Variants in SULT2A1 observed in about 807,000 individuals in gnomAD.
SULT2A1 encodes sulfotransferase 2A1.
Under a neutral mutation model 33.9 loss-of-function variants are expected in SULT2A1, and 43 were observed. The observed-to-expected ratio is 1.27, with a 90% CI of 1.00 to 1.64. The LOEUF is 1.64. SULT2A1 is among the 40% of genes most tolerant of loss of function. The pLI, the probability that SULT2A1 is intolerant of heterozygous loss-of-function variation, is 0.00. For synonymous variants in SULT2A1, 125 were observed against 113.6 expected (o/e 1.10, Z -0.64); for missense variants, 300 against 335.1 (o/e 0.90, Z 0.82).
rs570625604 is a variant in SULT2A1, at chr19:47,871,520, CTT to C, written c.791_792del (p.Glu264GlyfsTer3). ...WKNHFTVAQA[E>X]DFDKLFQEKM... ...TTCTCTTGGAACAATTTATCAAAGTCTTCAGCTTGGGCCACTGTGAAGTGATT... is the reference window on the plus strand; with the variant it reads ...TTCTCTTGGAACAATTTATCAAAGTCCAGCTTGGGCCACTGTGAAGTGATT... On this transcript the variant is annotated frameshift_variant, in exon 6 of 6. Coordinates refer to ENST00000222002, the MANE Select transcript of SULT2A1 (RefSeq NM_003167.4). LOFTEE classifies it low-confidence loss of function (END_TRUNC). 4.0e-5 allele frequency: 65 copies of C among 1,614,056 alleles called. 1 individual carries two copies. In the South Asian group the frequency reaches 6.4e-4, roughly 16 times the overall value.
Position 47,870,723 on chromosome 19 carries a change from T to C in SULT2A1, c.*732A>G, listed in dbSNP as rs1968481225. 1 of 147,964 alleles carries C rather than the reference T, an allele frequency of 6.8e-6. No individual in the cohort carries two copies. The highest frequency in any genetic ancestry group is 6.8e-5 in the Admixed American group (1 of 14,796). The allele number at this position is 147,964 out of a possible 1,614,324, so 9.2% of individuals were successfully genotyped here. A position where few individuals can be genotyped will look rare whatever the true frequency, so the allele number is the denominator to read the frequency against. On this transcript the variant is annotated 3_prime_UTR_variant, in exon 6 of 6. Transcript: ENST00000222002. Reference sequence around the variant, plus strand: ...GACATCCTTTTAGGTAGTACGTACATTATTCTTGTAGCATTCTGTAAACGG... The same window carrying C: ...GACATCCTTTTAGGTAGTACGTACACTATTCTTGTAGCATTCTGTAAACGG...
At chr19:47,872,713 G>A (rs970388694) in intron 5 of SULT2A1, among the ~76,000 whole-genome samples, 3 of 151,498 alleles carry the variant, frequency 2.0e-5, no homozygotes, top group Admixed American at 6.6e-5. Context: ...GTATGTGTAT[G>A]GTATGTATCC....
chr19:47,880,862 A>G (rs918477562), intron 3 of SULT2A1, among the ~76,000 whole-genome samples: 17 of 151,836 alleles, frequency 1.1e-4, no homozygotes, highest in African/African-American at 3.9e-4. Context: ...TGCTGAGACC[A>G]GAATGAAGAT....
chr19:47,885,413 T>A (rs1167621571), intron 1 of SULT2A1, among the ~76,000 whole-genome samples: 1 of 152,222 alleles, frequency 6.6e-6, no homozygotes, highest in Non-Finnish European at 1.5e-5. Flanking sequence ...GTATCATGCA[T>A]CAGAATTTTC....
chr19:47,874,038 G>C (rs62529867), intron 5 of SULT2A1, among the ~76,000 whole-genome samples: 8,870 of 152,058 alleles, frequency 0.058, 340 homozygotes, highest in East Asian at 0.13. Flanking sequence ...GTCTAGCAAG[G>C]GTTGCTAGTT....
At chr19:47,883,277 T>C (rs549041117) in intron 2 of SULT2A1, among the ~76,000 whole-genome samples, 22 of 152,078 alleles carry the variant, frequency 1.4e-4, no homozygotes, top group Admixed American at 8.5e-4. Flanking sequence ...ATCTAGTATA[T>C]AATATGGCTA....
At chr19:47,878,529 G>C (rs1361371759) in intron 4 of SULT2A1, among the ~76,000 whole-genome samples, 1 of 113,590 alleles carries the variant, frequency 8.8e-6, no homozygotes, top group Non-Finnish European at 1.8e-5. Context: ...TTTTTTTTGA[G>C]ACAGAGTCGT....
chr19:47,877,593 A>G (rs573319466), intron 4 of SULT2A1, among the ~76,000 whole-genome samples: 6 of 143,382 alleles, frequency 4.2e-5, no homozygotes, highest in Admixed American at 1.4e-4. Flanking sequence ...TCTGTTGCCC[A>G]GCCTAGAGTG....
At chr19:47,875,514 T>C (rs1968535874) in intron 4 of SULT2A1, among the ~76,000 whole-genome samples, 1 of 151,778 alleles carries the variant, frequency 6.6e-6, no homozygotes, top group East Asian at 1.9e-4. Flanking sequence ...GGCGCACAGC[T>C]GTGGTACCAG....
intron 1 of SULT2A1, among the ~76,000 whole-genome samples, chr19:47,884,937 G>A (rs751488145): frequency 3.5e-5 from 5 of 144,752 alleles, no homozygotes; most frequent in Non-Finnish European, 7.5e-5. Flanking sequence ...TCAGCCTCCC[G>A]AGTAGCTGGA....
At chr19:47,873,988 C>T (rs920123119) in intron 5 of SULT2A1, among the ~76,000 whole-genome samples, 2 of 152,046 alleles carry the variant, frequency 1.3e-5, no homozygotes, top group African/African-American at 2.4e-5. Flanking sequence ...TCCCCAACCC[C>T]GTCCTTGTCC....
rs1286329624 is a variant in SULT2A1 at position 47,882,082 on chromosome 19, A to C, written c.472+2T>G. ...CACCCCCATATTTTGTGAAACACTCACCAGTTCCTTGACAAAACCATTCAA... is the reference window on the plus strand; with the variant it reads ...CACCCCCATATTTTGTGAAACACTCCCCAGTTCCTTGACAAAACCATTCAA... On this transcript the variant is annotated splice_donor_variant, in intron 3 of 5. Transcript: ENST00000222002. LOFTEE classifies it high-confidence loss of function. 6.2e-7 allele frequency: 1 copy of C among 1,613,562 alleles called. No individual in the cohort carries two copies. The highest frequency in any genetic ancestry group is 1.7e-5 in the Admixed American group (1 of 59,868).
intron 4 of SULT2A1, among the ~76,000 whole-genome samples, chr19:47,876,589 G>A (rs1394768650): frequency 6.6e-6 from 1 of 151,946 alleles, no homozygotes; most frequent in East Asian, 1.9e-4. Context: ...GGTCAACGTG[G>A]TGAAACCCCA....
intron 5 of SULT2A1, among the ~76,000 whole-genome samples, chr19:47,873,194 G>T (rs1968509132): frequency 1.3e-5 from 2 of 151,854 alleles, no homozygotes; most frequent in Non-Finnish European, 1.5e-5. Flanking sequence ...TTGAGCCGGA[G>T]TTTCACTCTT....
intron 5 of SULT2A1, 122 bp from the exon 6 acceptor site, chr19:47,871,689 T>G (rs1968493959): frequency 1.5e-6 from 1 of 679,564 alleles, no homozygotes; most frequent in African/African-American, 1.8e-5. Flanking sequence ...TGGTGGGCCT[T>G]TATCCTGCCT....
intron 2 of SULT2A1, 75 bp from the exon 3 acceptor site, chr19:47,882,285 G>C: frequency 1.3e-6 from 2 of 1,535,640 alleles, no homozygotes; most frequent in Non-Finnish European, 1.8e-6. Context: ...CAAAAATGGA[G>C]AAAAAGCCAA....
intron 1 of SULT2A1, 26 bp downstream of exon 1, chr19:47,886,096 C>G: frequency 6.2e-7 from 1 of 1,610,038 alleles, no homozygotes; most frequent in Non-Finnish European, 8.5e-7. Context: ...CACAGCCTTT[C>G]TCAGTTCACG....
chr19:47,874,562 C>T, intron 5 of SULT2A1, 95 bp downstream of exon 5: 4 of 467,766 alleles, frequency 8.6e-6, no homozygotes, highest in Non-Finnish European at 9.9e-6. Context: ...AAAAAAAAAG[C>T]ACTCTTTCAT....
intron 1 of SULT2A1, among the ~76,000 whole-genome samples, chr19:47,884,892 C>T (rs1294484494): frequency 6.8e-6 from 1 of 148,002 alleles, no homozygotes; most frequent in Non-Finnish European, 1.5e-5. Context: ...GGCTCACTGC[C>T]ACCTCCATCT....
Sources: allele counts gnomAD v4.1 joint callset (sites outside exome capture counted in the v4.1 genomes callset), GRCh38; gene constraint gnomAD v4.1.1; transcripts MANE v1.5; gene names NCBI Gene and HGNC (gene_info 2026-07-23, HGNC 2026-07-21).